KAT7: variants seen among roughly 807,000 people sequenced by gnomAD.
KAT7 encodes the protein histone acetyltransferase KAT7.
A neutral mutation model predicts 82.1 loss-of-function variants in KAT7; 10 were observed. The observed-to-expected ratio is 0.12, with a 90% CI of 0.08 to 0.21. The LOEUF (loss-of-function observed/expected upper bound fraction) is 0.21, where lower values mean the gene tolerates loss of function less well. Among genes scored for constraint, KAT7 ranks in the 10% least tolerant of loss-of-function variants. The pLI is 1.00. For missense variants in KAT7, 378 were observed against 760.9 expected, an observed-to-expected ratio of 0.50 and a Z score of 5.92; for synonymous variants, 250 against 262.5, an observed-to-expected ratio of 0.95 and a Z score of 0.46.
intron 8 of KAT7, 138 bp from the exon 9 acceptor site, chr17:49,817,682 G>T (rs1169904334): frequency 1.6e-6 from 1 of 624,752 alleles, no homozygotes; most frequent in African/African-American, 1.8e-5. Context: ...GGCCAGGCTG[G>T]TCTCGAACTC....
chr17:49,793,860 C>T (rs556231801), intron 2 of KAT7, among the ~76,000 whole-genome samples: 23 of 152,216 alleles, frequency 1.5e-4, no homozygotes, highest in Non-Finnish European at 2.2e-4. Flanking sequence ...CATGAGCCAC[C>T]GCGCCCTGCT....
chr17:49,796,123 C>G (rs1045833837), intron 2 of KAT7, among the ~76,000 whole-genome samples: 52 of 152,088 alleles, frequency 3.4e-4, no homozygotes, highest in African/African-American at 1.1e-3. Flanking sequence ...ATAGGTTTTT[C>G]TATCCAAAAA....
rs374545148 is a variant in KAT7, at chr17:49,827,548, G to A, written c.*46G>A. 3.8e-5 allele frequency: 40 copies of A among 1,054,118 alleles called. No individual in the cohort carries two copies. Among genetic ancestry groups the A allele is most frequent in the South Asian group, 8.9e-5 (7 of 78,404 alleles). The allele number at this position is 1,054,118 out of a possible 1,614,324, so 65.3% of individuals were successfully genotyped here. A position where few individuals can be genotyped will look rare whatever the true frequency, so the allele number is the denominator to read the frequency against. On this transcript the variant is annotated 3_prime_UTR_variant, in exon 15 of 15. Coordinates refer to ENST00000259021, the MANE Select transcript of KAT7 (RefSeq NM_007067.5). ...CAGCGAACCCCAGCAGTAGGAATCC[G>A]TACCCTAGGGATCTGTCTGTCATTT... is the stretch of plus-strand genomic sequence containing the variant.
At chr17:49,792,133 G>A in intron 2 of KAT7, 100 bp downstream of exon 2, 2 of 1,188,128 alleles carry the variant, frequency 1.7e-6, no homozygotes, top group South Asian at 2.8e-5. Context: ...CCTTGGCTTG[G>A]TGTAGATGAC....
Position 49,796,907 on chromosome 17 carries a change from G to A in KAT7, c.321G>A (p.Val107=), listed in dbSNP as rs1373505888. 4.3e-6 allele frequency: 7 copies of A among 1,614,122 alleles called. No homozygotes were observed. The highest frequency in any genetic ancestry group is 3.3e-4 in the Middle Eastern group (2 of 6,062). The change falls in exon 3 of 15, where the codon GTG becomes GTA. Residue 107 remains valine (V), a synonymous_variant. Coordinates refer to ENST00000259021, the MANE Select transcript of KAT7 (RefSeq NM_007067.5). ...CATCTGGTTCAGAAACTGAGCAAGT[G>A]GTTGATTTTTCAGATAGAGGTGAGT... ...TRSSGSETEQ[V]VDFSDRETKN... is the part of the protein sequence containing the mutation.
rs1177260952 is a variant in KAT7, at chr17:49,831,505, G to C, written c.*4003G>C. 1 of 152,080 alleles carries C rather than the reference G, an allele frequency of 6.6e-6. No homozygotes were observed. The highest frequency in any genetic ancestry group is 2.4e-5 in the African/African-American group (1 of 41,384). 9.4% of individuals were successfully genotyped at this position (152,080 alleles called of 1,614,324 possible). A position where few individuals can be genotyped will look rare whatever the true frequency, so the allele number is the denominator to read the frequency against. ...GTCTTCTTCTAGATGAAAAATTGAGGCTCATAGTGGTCTTGCTGCTGTGTC... is the reference window on the plus strand; with the variant it reads ...GTCTTCTTCTAGATGAAAAATTGAGCCTCATAGTGGTCTTGCTGCTGTGTC... On this transcript the variant is annotated 3_prime_UTR_variant, in exon 15 of 15. Transcript: ENST00000259021.
At chr17:49,805,248 T>G (rs2143899302) in intron 4 of KAT7, 115 bp from the exon 5 acceptor site, 22 of 683,830 alleles carry the variant, frequency 3.2e-5, no homozygotes, top group Middle Eastern at 5.1e-4. Flanking sequence ...TTCAGTCTGA[T>G]CAGACATATA....
chr17:49,808,584 G>C (rs778037141), intron 5 of KAT7, among the ~76,000 whole-genome samples: 4 of 151,298 alleles, frequency 2.6e-5, no homozygotes, highest in Non-Finnish European at 5.9e-5. Flanking sequence ...CCGAGTAGCG[G>C]GGATCACAGG....
Position 49,815,901 on chromosome 17 carries a change from T to C in KAT7, c.951T>C (p.Ala317=), listed in dbSNP as rs1226708926. ...TTTTCCGAAGAGCACAAGCCCGGGC[T>C]TCAGAGGATTTGGTGAGTATTAAAA... is the stretch of plus-strand genomic sequence containing the variant. ...LDLFRRAQAR[A]SEDLEKLRLQ... The change falls in exon 8 of 15, where the codon GCT becomes GCC. Residue 317 remains alanine, a synonymous_variant. Coordinates refer to ENST00000259021, the MANE Select transcript of KAT7 (RefSeq NM_007067.5). The C allele has an allele frequency of 9.3e-6, 15 of 1,610,752 alleles. No individual in the cohort carries two copies. The highest frequency in any genetic ancestry group is 1.7e-5 in the Admixed American group (1 of 60,004).
chr17:49,811,113 T>C (rs978871500), intron 6 of KAT7, among the ~76,000 whole-genome samples: 8 of 151,928 alleles, frequency 5.3e-5, no homozygotes, highest in African/African-American at 1.9e-4. Context: ...ACCTTCTTTT[T>C]TTTTTTTGTT....
At chr17:49,796,993 C>A in intron 3 of KAT7, 67 bp downstream of exon 3, 2 of 1,316,374 alleles carry the variant, frequency 1.5e-6, no homozygotes, top group Non-Finnish European at 2.2e-6. Flanking sequence ...TTAAGGAGGG[C>A]TTGGGGCCAC....
At chr17:49,795,153 C>T (rs571693802) in intron 2 of KAT7, among the ~76,000 whole-genome samples, 134 of 152,076 alleles carry the variant, frequency 8.8e-4, no homozygotes, top group African/African-American at 3.1e-3. Context: ...TTTGACTGTT[C>T]TCACCACAAA....
chr17:49,790,760 C>T (rs761776692), intron 1 of KAT7, among the ~76,000 whole-genome samples: 2 of 152,142 alleles, frequency 1.3e-5, no homozygotes, highest in Admixed American at 1.3e-4. Flanking sequence ...TTGCAGGATA[C>T]ATGCAAAGTA....
rs2073893792 is a variant in KAT7 at position 49,791,879 on chromosome 17, A to G, written c.16-7A>G. The G allele has an allele frequency of 1.2e-6, 2 of 1,613,824 alleles. No individual in the cohort carries two copies. The highest frequency in any genetic ancestry group is 1.7e-6 in the Non-Finnish European group (2 of 1,179,706). ...CTGTGCTAATATCTGGATCTATGGT[A>G]TTACAGAGGAATGCAGGCAGTAGTT... On this transcript the variant is annotated splice_region_variant and splice_polypyrimidine_tract_variant and intron_variant, in intron 1 of 14. Coordinates refer to ENST00000259021, the MANE Select transcript of KAT7 (RefSeq NM_007067.5).
intron 11 of KAT7, among the ~76,000 whole-genome samples, chr17:49,822,321 A>G (rs1335198741): frequency 6.6e-6 from 1 of 151,318 alleles, no homozygotes; most frequent in Non-Finnish European, 1.5e-5. Flanking sequence ...TCTGCCTCCC[A>G]GGTTCAAGTG....
At position 49,812,947 on chromosome 17, in the gene KAT7, C is replaced by T. The variant is rs189611491; in HGVS notation, c.852+1373C>T. ...TGAACTCCTGACCTCGTGATCCACCCGCCTCGGCCTCCCGAAGTGCTGGGA... is the reference window on the plus strand; with the variant it reads ...TGAACTCCTGACCTCGTGATCCACCTGCCTCGGCCTCCCGAAGTGCTGGGA... On this transcript the variant is annotated intron_variant, in intron 7 of 14. Coordinates refer to ENST00000259021, the MANE Select transcript of KAT7 (RefSeq NM_007067.5). Among the ~76,000 whole-genome samples, 26 of 151,728 alleles carry T rather than the reference C, an allele frequency of 1.7e-4. No homozygotes were observed. In the East Asian group the frequency reaches 3.5e-3, roughly 20 times the overall value.
Position 49,788,785 on chromosome 17 carries a change from C to G in KAT7, c.-50C>G. The stretch of plus-strand genomic sequence containing the variant: ...GAGCCCGCCGGAGCCACCGTTCCTG[C>G]TGCTGCCGCCGCTGCCCGAATCGGA... On this transcript the variant is annotated 5_prime_UTR_variant, in exon 1 of 15. Transcript: ENST00000259021. 1 of 1,559,342 alleles carries G rather than the reference C, an allele frequency of 6.4e-7. No homozygotes were observed. Among genetic ancestry groups the G allele is most frequent in the African/African-American group, 1.4e-5 (1 of 72,708 alleles).
intron 3 of KAT7, 70 bp from the exon 4 acceptor site, chr17:49,798,249 A>G (rs2073980509): frequency 1.4e-6 from 2 of 1,471,288 alleles, no homozygotes; most frequent in Non-Finnish European, 1.9e-6. Context: ...GGAAGCCCAT[A>G]AACTCTGAAT....
intron 5 of KAT7, among the ~76,000 whole-genome samples, chr17:49,808,120 C>CTTTTTTTTTTTTTTTTTTTTTTTTT (rs71146937): frequency 1.8e-5 from 2 of 112,820 alleles, no homozygotes; most frequent in African/African-American, 3.4e-5. Flanking sequence ...CCCAGGTTTT[C>CTTTTTTTTTTTTTTTTTTTTTTTTT]TTTTTTTTTT....
Sources: allele counts gnomAD v4.1 joint callset (sites outside exome capture counted in the v4.1 genomes callset), GRCh38; gene constraint gnomAD v4.1.1; transcripts MANE v1.5; gene names NCBI Gene and HGNC (gene_info 2026-07-23, HGNC 2026-07-21).